The following TCF20 variants were observed in gnomAD, a reference collection of about 807,000 sequenced individuals.
TCF20 encodes transcription factor 20.
Under a neutral mutation model 148.6 loss-of-function variants are expected in TCF20, and 3 were observed. The ratio of observed to expected loss-of-function variants is 0.02; its 90% CI spans 0.01 to 0.05. The LOEUF (loss-of-function observed/expected upper bound fraction) is 0.05. Among genes scored for constraint, TCF20 ranks in the 10% least tolerant of loss-of-function variants. The pLI, the probability that TCF20 is intolerant of heterozygous loss-of-function variation, is 1.00. For synonymous variants in TCF20, 1,049 were observed against 909.5 expected (o/e 1.15, Z -2.76); for missense variants, 2,350 against 2,429.3 (o/e 0.97, Z 0.69).
intron 1 of TCF20, among the ~76,000 whole-genome samples, chr22:42,221,045 C>CA (rs1922307878): frequency 6.6e-6 from 1 of 152,186 alleles, no homozygotes; most frequent in Non-Finnish European, 1.5e-5. Flanking sequence ...ACCCTCCTTC[C>CA]AAGCTCTCCT....
chr22:42,240,134 C>A (rs1357228427), intron 1 of TCF20, among the ~76,000 whole-genome samples: 3 of 152,122 alleles, frequency 2.0e-5, no homozygotes, highest in African/African-American at 7.2e-5. Context: ...GCACAGCCAC[C>A]CACGAGGTAG....
intron 2 of TCF20, among the ~76,000 whole-genome samples, chr22:42,191,371 C>T (rs1601554497): frequency 1.3e-5 from 2 of 152,142 alleles, no homozygotes; most frequent in East Asian, 3.9e-4. Flanking sequence ...CTCACTGAAA[C>T]CTCTACCTCC....
At chr22:42,219,525 T>C (rs1256654289) in intron 1 of TCF20, among the ~76,000 whole-genome samples, 1 of 151,604 alleles carries the variant, frequency 6.6e-6, no homozygotes, top group Admixed American at 6.6e-5. Flanking sequence ...ATCTGATACC[T>C]CAAAGGAATA....
chr22:42,321,162 TG>T (rs1471770621), intron 1 of TCF20, among the ~76,000 whole-genome samples: 1 of 152,206 alleles, frequency 6.6e-6, no homozygotes, highest in African/African-American at 2.4e-5. Context: ...GAGGTAGACC[TG>T]GGGGCTGCCA....
At chr22:42,295,482 T>C (rs970302399) in intron 1 of TCF20, among the ~76,000 whole-genome samples, 4 of 151,294 alleles carry the variant, frequency 2.6e-5, no homozygotes, top group African/African-American at 7.3e-5. Context: ...TTGCTCTTGT[T>C]GCCCGGGCTG....
intron 2 of TCF20, among the ~76,000 whole-genome samples, chr22:42,191,229 T>A (rs1937317889): frequency 6.6e-6 from 1 of 152,208 alleles, no homozygotes; most frequent in African/African-American, 2.4e-5. Context: ...CCAACACAGG[T>A]GTCACTAATG....
intron 1 of TCF20, among the ~76,000 whole-genome samples, chr22:42,228,543 G>C (rs138388718): frequency 6.6e-6 from 1 of 152,302 alleles, no homozygotes; most frequent in Non-Finnish European, 1.5e-5. Flanking sequence ...GCAGTGACTG[G>C]GGAGCTTGTA....
chr22:42,203,760 G>GAGGGAGAGGAGAATGGAGAA (rs1938200038), intron 2 of TCF20, among the ~76,000 whole-genome samples: 1 of 152,212 alleles, frequency 6.6e-6, no homozygotes, highest in South Asian at 2.1e-4. Flanking sequence ...AGGGGGCTGG[G>GAGGGAGAGGAGAATGGAGAA]AGGGAGAGGA....
chr22:42,340,842 G>A (rs1326320087), intron 1 of TCF20, among the ~76,000 whole-genome samples: 1 of 152,160 alleles, frequency 6.6e-6, no homozygotes, highest in Non-Finnish European at 1.5e-5. Context: ...AAGGGAAGGG[G>A]GAGGGGGAGG....
At position 42,213,281 on chromosome 22, in the gene TCF20, A is replaced by G; in HGVS notation, c.2025T>C (p.His675=). Reference sequence around the variant, plus strand: ...CACTCTGGCCATTTCCTTCTCCATTATGGTTGGAGTTGTTATCGCCATTCT... The same window carrying G: ...CACTCTGGCCATTTCCTTCTCCATTGTGGTTGGAGTTGTTATCGCCATTCT... The part of the protein sequence containing the change: ...GNKNGDNNSN[H]NGEGNGQSGH... Residue 675 remains histidine, a synonymous_variant, in exon 2 of 6, where the codon CAT becomes CAC. Coordinates refer to ENST00000677622, the MANE Select transcript of TCF20 (RefSeq NM_001378418.1). 4.3e-6 allele frequency: 7 copies of G among 1,613,824 alleles called. No individual in the cohort carries two copies. Among genetic ancestry groups the G allele is most frequent in the African/African-American group, 1.3e-5 (1 of 74,902 alleles).
chr22:42,337,489 C>T (rs1327910021), intron 1 of TCF20, among the ~76,000 whole-genome samples: 1 of 152,162 alleles, frequency 6.6e-6, no homozygotes, highest in African/African-American at 2.4e-5. Flanking sequence ...TTTGTACCTC[C>T]AAGCCTTTGA....
At chr22:42,334,276 G>C (rs1348004729) in intron 1 of TCF20, among the ~76,000 whole-genome samples, 1 of 152,168 alleles carries the variant, frequency 6.6e-6, no homozygotes, top group Non-Finnish European at 1.5e-5. Context: ...CAGGGCCCGG[G>C]GTCAGAATCA....
chr22:42,222,919 G>C (rs1289711712), intron 1 of TCF20, among the ~76,000 whole-genome samples: 1 of 152,176 alleles, frequency 6.6e-6, no homozygotes, highest in Non-Finnish European at 1.5e-5. Context: ...TTGGGAGGCC[G>C]AGGCAGGCAG....
chr22:42,166,052 C>A (rs1053101029), intron 5 of TCF20, among the ~76,000 whole-genome samples: 1 of 152,192 alleles, frequency 6.6e-6, no homozygotes, highest in African/African-American at 2.4e-5. Flanking sequence ...TCCCCAGTCA[C>A]CAGGGCTTCT....
intron 1 of TCF20, among the ~76,000 whole-genome samples, chr22:42,320,530 G>A (rs1348840716): frequency 6.6e-6 from 1 of 152,162 alleles, no homozygotes; most frequent in African/African-American, 2.4e-5. Flanking sequence ...GGCCTGCACT[G>A]TGGATTTATT....
At chr22:42,170,631 A>AG (rs1936076979) in intron 3 of TCF20, among the ~76,000 whole-genome samples, 1 of 54,638 alleles carries the variant, frequency 1.8e-5, no homozygotes, top group Admixed American at 2.6e-4. Flanking sequence ...CGTCTCAAAA[A>AG]AAAAAAAAAA....
At chr22:42,259,961 A>T (rs906341793) in intron 1 of TCF20, among the ~76,000 whole-genome samples, 1 of 152,230 alleles carries the variant, frequency 6.6e-6, no homozygotes, top group African/African-American at 2.4e-5. Context: ...TTTTAAAAAT[A>T]AATTAATTAA....
chr22:42,342,429 G>A (rs1928184060), intron 1 of TCF20, among the ~76,000 whole-genome samples: 1 of 152,160 alleles, frequency 6.6e-6, no homozygotes, highest in African/African-American at 2.4e-5. Flanking sequence ...GTGAGCCGGG[G>A]AAGGCCCCAA....
Position 42,215,114 on chromosome 22 carries a change from AGCTGCT to A in TCF20, c.186_191del (p.Ala67_Ala68del). 6.2e-7 allele frequency: 1 copy of A among 1,614,194 alleles called. No individual in the cohort carries two copies. Among genetic ancestry groups the A allele is most frequent in the South Asian group, 1.1e-5 (1 of 91,080 alleles). ...TCTCGCTAGCCATCGCTGCCGCAGC[AGCTGCT>A]GCTCCTCGTCGTCCACCACCACTGC... On this transcript the variant is annotated inframe_deletion, in exon 2 of 6. Coordinates refer to ENST00000677622, the MANE Select transcript of TCF20 (RefSeq NM_001378418.1).
Sources: gnomAD v4.1 joint callset for allele counts (sites outside exome capture counted in the v4.1 genomes callset) on GRCh38, gnomAD v4.1.1 for gene constraint, MANE v1.5 for transcripts, NCBI Gene and HGNC (gene_info 2026-07-23, HGNC 2026-07-21) for gene names.